SERPINA11: variants seen among roughly 807,000 people sequenced by gnomAD.
SERPINA11 encodes the protein serpin family A member 11.
SERPINA11 carries 28 observed loss-of-function variants against 29.4 expected under a neutral mutation model. The ratio of observed to expected loss-of-function variants is 0.95; its 90% CI spans 0.70 to 1.30. The LOEUF (loss-of-function observed/expected upper bound fraction) is 1.30. Among genes scored for constraint, SERPINA11 ranks in the 50% most tolerant of loss-of-function variants. The pLI is 0.00. For missense variants in SERPINA11, 530 were observed against 507.3 expected, an observed-to-expected ratio of 1.04 and a Z score of -0.43; for synonymous variants, 253 against 206.6, an observed-to-expected ratio of 1.22 and a Z score of -1.92.
At position 94,448,672 on chromosome 14, in the gene SERPINA11, G is replaced by GT. The variant is rs1898498014; in HGVS notation, c.102dup (p.Pro35ThrfsTer29). 6.4e-7 allele frequency: 1 copy of GT among 1,571,480 alleles called. No homozygotes were observed. The highest frequency in any genetic ancestry group is 1.2e-5 in the South Asian group (1 of 83,938). ...GGCTCTGAGAGCTGATGCCTGGGGG[G>GT]TTGAGGCCCCTGCAGACTTTTATCT... On this transcript the variant is annotated frameshift_variant, in exon 2 of 5. Coordinates refer to ENST00000334708, the MANE Select transcript of SERPINA11 (RefSeq NM_001080451.2). LOFTEE classifies it high-confidence loss of function.
At chr14:94,451,461 A>G (rs1898585040) in intron 1 of SERPINA11, among the ~76,000 whole-genome samples, 1 of 152,234 alleles carries the variant, frequency 6.6e-6, no homozygotes, top group Non-Finnish European at 1.5e-5. Flanking sequence ...GGAAGATGCA[A>G]ATCAATTTAA....
In SERPINA11 at chr14:94,448,616, G is replaced by T. The variant is rs770442987; in HGVS notation, c.159C>A (p.Thr53=). The change falls in exon 2 of 5, where the codon ACC becomes ACA. Residue 53 remains threonine (T), a synonymous_variant. Transcript: ENST00000334708. The part of the protein sequence containing the change: ...PAPAYHRITP[T]ITNFALRLYK... ...ACAAACGCAAAGCAAAATTGGTAATGGTGGGTGTGATTCTGTGGTAGGCGG... is the reference window on the plus strand; with the variant it reads ...ACAAACGCAAAGCAAAATTGGTAATTGTGGGTGTGATTCTGTGGTAGGCGG... 2 of 1,612,738 alleles carry T rather than the reference G, an allele frequency of 1.2e-6. No individual in the cohort carries two copies. Among genetic ancestry groups the T allele is most frequent in the Non-Finnish European group, 8.5e-7 (1 of 1,178,928 alleles).
In SERPINA11 at chr14:94,444,481, C is replaced by T. The variant is rs556068478; in HGVS notation, c.918-1256G>A. Among the ~76,000 whole-genome samples the T allele has an allele frequency of 1.2e-3, 186 of 152,154 alleles. 1 individual carries two copies. Among genetic ancestry groups the T allele is most frequent in the African/African-American group, 4.3e-3 (179 of 41,490 alleles). The stretch of plus-strand genomic sequence containing the variant: ...AAAGTGGGAAGAAGTCAAACCAAAC[C>T]CTCCCTGAGGGAAAATCTACTGGTC... On this transcript the variant is annotated intron_variant, in intron 3 of 4. Transcript: ENST00000334708.
chr14:94,449,509 T>TTCTTTCTTTCTTTCTTTTTC lies in SERPINA11; in HGVS notation c.-3-733_-3-732insGAAAAAGAAAGAAAGAAAGA, dbSNP rs1376198256. On this transcript the variant is annotated intron_variant, in intron 1 of 4. Transcript: ENST00000334708. ...TCTGTCTGTCTTTCTTTCTCTTTCT[T>TTCTTTCTTTCTTTCTTTTTC]TTTCTTTCTTTCTTTCTTTTTCTTT... is the stretch of plus-strand genomic sequence containing the variant. 3.1e-5 allele frequency among the ~76,000 whole-genome samples: 4 copies of TTCTTTCTTTCTTTCTTTTTC among 128,150 alleles called. 1 individual carries two copies. The highest frequency in any genetic ancestry group is 1.6e-4 in the African/African-American group (4 of 24,394). The allele number at this position is 128,150 out of a possible 152,430, so 84.1% of individuals were successfully genotyped here. A position where few individuals can be genotyped will look rare whatever the true frequency, so the allele number is the denominator to read the frequency against.
intron 1 of SERPINA11, among the ~76,000 whole-genome samples, chr14:94,451,078 C>T (rs1157812827): frequency 2.6e-5 from 4 of 152,194 alleles, no homozygotes; most frequent in South Asian, 2.1e-4. Flanking sequence ...TCAGTTTGTC[C>T]TGATAACATT....
Position 94,448,082 on chromosome 14 carries a change from G to T in SERPINA11, c.643+50C>A, listed in dbSNP as rs375149794. On this transcript the variant is annotated intron_variant, in intron 2 of 4. Coordinates refer to ENST00000334708, the MANE Select transcript of SERPINA11 (RefSeq NM_001080451.2). ...TATTAGCTGGCTCTCTGCTGTAAGA[G>T]CATTTACTTGCAGAGGCAGTGGCAA... 3.2e-6 allele frequency: 5 copies of T among 1,549,872 alleles called. No homozygotes were observed. In the African/African-American group the frequency reaches 5.5e-5, roughly 17 times the overall value.
Position 94,442,720 on chromosome 14 carries a change from G to T in SERPINA11, c.1155C>A (p.Asn385Lys). 6.2e-7 allele frequency: 1 copy of T among 1,613,776 alleles called. No homozygotes were observed. Among genetic ancestry groups the T allele is most frequent in the Non-Finnish European group, 8.5e-7 (1 of 1,179,848 alleles). Residue 385 changes from asparagine (N) to lysine (K), a missense_variant, in exon 5 of 5, where the codon AAC (asparagine) becomes AAA (lysine). Coordinates refer to ENST00000334708, the MANE Select transcript of SERPINA11 (RefSeq NM_001080451.2). Reference sequence around the variant, plus strand: ...AGTGGGCATGTGGGTCTGACATGGTGTTCAGAGATGGGGGCTGGGAGAGGA... The same window carrying T: ...AGTGGGCATGTGGGTCTGACATGGTTTTCAGAGATGGGGGCTGGGAGAGGA... Reference protein sequence around the residue: ...SGLLSQPPSLNTMSDPHAHFN... With the variant: ...SGLLSQPPSLKTMSDPHAHFN...
Position 94,442,759 on chromosome 14 carries a change from C to T in SERPINA11, c.1116G>A (p.Gly372=), listed in dbSNP as rs1253309311. The change falls in exon 5 of 5, where the codon GGG becomes GGA. Residue 372 remains glycine (G), a synonymous_variant. Coordinates refer to ENST00000334708, the MANE Select transcript of SERPINA11 (RefSeq NM_001080451.2). ...VDMSEKGTEA[G]AASGLLSQPP... is the part of the protein sequence containing the mutation. ...GCTGGGAGAGGAGGCCTGAAGCAGC[C>T]CCGGCCTCGGTCCCCTTCTCACTCA... The T allele has an allele frequency of 1.2e-6, 2 of 1,612,896 alleles. No homozygotes were observed. Among genetic ancestry groups the T allele is most frequent in the Admixed American group, 1.7e-5 (1 of 59,946 alleles).
intron 3 of SERPINA11, among the ~76,000 whole-genome samples, chr14:94,444,818 G>A (rs549653193): frequency 9.2e-5 from 14 of 152,252 alleles, no homozygotes; most frequent in South Asian, 2.1e-4. Context: ...CAAGATGACC[G>A]TCAAAAGGTG....
rs373722173 is a variant in SERPINA11 at position 94,443,225 on chromosome 14, A to G, written c.918T>C (p.Ser306=). ...ACCTTGGCAAGTGCAAATCCAACAG[A>G]CTGGAGAGAGAAACAGACAGAGAAA... is the stretch of plus-strand genomic sequence containing the variant. ...LRKWGQLLLP[S]LLDLHLPRFS... Residue 306 remains serine (S), a splice_region_variant and synonymous_variant, in exon 4 of 5, where the codon AGT becomes AGC. Coordinates refer to ENST00000334708, the MANE Select transcript of SERPINA11 (RefSeq NM_001080451.2). 6.2e-6 allele frequency: 10 copies of G among 1,612,008 alleles called. No individual in the cohort carries two copies. The African/African-American group carries it at 1.2e-4, about 19-fold the overall frequency.
chr14:94,449,396 CTTTCTTTCTATTCTTTCTTT>C (rs1898519515), intron 1 of SERPINA11, among the ~76,000 whole-genome samples: 1 of 12,164 alleles, frequency 8.2e-5, no homozygotes, highest in Non-Finnish European at 2.3e-4. Flanking sequence ...CTCCCTCTTT[CTTTCTTTCTATTCTTTCTTT>C]CTTTCTTTCT....
rs1898361813 is a variant in SERPINA11 at position 94,442,598 on chromosome 14, C to A, written c.*8G>T. 3 of 1,598,524 alleles carry A rather than the reference C, an allele frequency of 1.9e-6. No individual in the cohort carries two copies. The highest frequency in any genetic ancestry group is 4.5e-5 in the East Asian group (2 of 44,282). On this transcript the variant is annotated 3_prime_UTR_variant, in exon 5 of 5. Transcript: ENST00000334708. The stretch of plus-strand genomic sequence containing the variant: ...TGAGATAAGATAACTCCTGGCCTCC[C>A]ACCATGGTTACCCTGCAACTGGGTT...
At chr14:94,443,420 T>C (rs1898380743) in intron 3 of SERPINA11, among the ~76,000 whole-genome samples, 195 bp from the exon 4 acceptor site, 1 of 152,176 alleles carries the variant, frequency 6.6e-6, no homozygotes, top group African/African-American at 2.4e-5. Flanking sequence ...TTGGACCTCC[T>C]GGAATATCTT....
intron 1 of SERPINA11, 83 bp downstream of exon 1, chr14:94,452,646 C>G (rs200177003): frequency 2.9e-5 from 4 of 136,710 alleles, no homozygotes; most frequent in African/African-American, 1.1e-4. Context: ...CACACACACA[C>G]ACAGAGACAG....
At position 94,446,333 on chromosome 14, in the gene SERPINA11, G is replaced by A. The variant is rs1477080621; in HGVS notation, c.915C>T (p.Pro305=). 6.2e-7 allele frequency: 1 copy of A among 1,612,222 alleles called. No homozygotes were observed. Among genetic ancestry groups the A allele is most frequent in the East Asian group, 2.2e-5 (1 of 44,884 alleles). Residue 305 remains proline, a splice_region_variant and synonymous_variant, in exon 3 of 5, where the codon CCC becomes CCT. Transcript: ENST00000334708. The stretch of plus-strand genomic sequence containing the variant: ...CATCCTTCTGCTGTGACACTTACCT[G>A]GGCAGGAGCAATTGGCCCCATTTTC... The part of the protein sequence containing the change: ...TLRKWGQLLL[P]SLLDLHLPRF...
At chr14:94,449,296 A>G (rs751850070) in intron 1 of SERPINA11, among the ~76,000 whole-genome samples, 1 of 152,182 alleles carries the variant, frequency 6.6e-6, no homozygotes, top group Non-Finnish European at 1.5e-5. Flanking sequence ...TGATTGTACC[A>G]CTGCACTCCA....
At chr14:94,444,515 T>G (rs1898401090) in intron 3 of SERPINA11, among the ~76,000 whole-genome samples, 1 of 151,334 alleles carries the variant, frequency 6.6e-6, no homozygotes. Context: ...TCTAGAAGAG[T>G]CTATGGCACT....
chr14:94,445,917 G>A (rs1898427886), intron 3 of SERPINA11, among the ~76,000 whole-genome samples: 1 of 151,906 alleles, frequency 6.6e-6, no homozygotes, highest in Non-Finnish European at 1.5e-5. Flanking sequence ...TTTTTTTGCT[G>A]TACTTAACCA....
chr14:94,448,478 G>A lies in SERPINA11; in HGVS notation c.297C>T (p.Ile99=), dbSNP rs764191151. 30 of 1,614,078 alleles carry A rather than the reference G, an allele frequency of 1.9e-5. No individual in the cohort carries two copies. The highest frequency in any genetic ancestry group is 7.7e-5 in the South Asian group (7 of 91,086). ...LGAQANTSAL[I]LEGLGFNLTE... ...TGAGGTTGAATCCCAGGCCCTCCAG[G>A]ATCAGAGCTGAGGTGTTAGCTTGGG... is the stretch of plus-strand genomic sequence containing the variant. Residue 99 remains isoleucine, a synonymous_variant, in exon 2 of 5, where the codon ATC becomes ATT. Transcript: ENST00000334708.
Sources: gnomAD v4.1 joint callset for allele counts (sites outside exome capture counted in the v4.1 genomes callset) on GRCh38, gnomAD v4.1.1 for gene constraint, MANE v1.5 for transcripts, NCBI Gene and HGNC (gene_info 2026-07-23, HGNC 2026-07-21) for gene names.